Variants in ADGRL3 observed in about 807,000 individuals in gnomAD.
ADGRL3 encodes the protein calcium-independent alpha-latrotoxin receptor 3.
Under a neutral mutation model 153.5 loss-of-function variants are expected in ADGRL3, and 62 were observed. The ratio of observed to expected loss-of-function variants is 0.40; its 90% CI spans 0.33 to 0.50. ADGRL3 has a LOEUF of 0.50. ADGRL3 is among the 20% of genes least tolerant of loss of function. ADGRL3 has a pLI of 0.47. For synonymous variants in ADGRL3, 710 were observed against 672.5 expected, an observed-to-expected ratio of 1.06 and a Z score of -0.86; for missense variants, 1,641 against 1,859.4, an observed-to-expected ratio of 0.88 and a Z score of 2.16.
At chr4:61,880,983 C>T (rs975913252) in intron 9 of ADGRL3, among the ~76,000 whole-genome samples, 2 of 152,004 alleles carry the variant, frequency 1.3e-5, no homozygotes, top group African/African-American at 4.8e-5. Flanking sequence ...AGGAAAGGGG[C>T]CTTGTTTTAC....
chr4:61,798,999 G>GTATATATATATA lies in ADGRL3; in HGVS notation c.1400-14781_1400-14770dup, dbSNP rs34782885. ...CATTATTATATATTATATATAAACAGTATATATATATATATATATATATAT... is the reference window on the plus strand; with the variant it reads ...CATTATTATATATTATATATAAACAGTATATATATATATATATATATATATATATATATATAT... On this transcript the variant is annotated intron_variant, in intron 8 of 26. Coordinates refer to ENST00000683033, the MANE Select transcript of ADGRL3 (RefSeq NM_001387552.1). Among the ~76,000 whole-genome samples the GTATATATATATA allele has an allele frequency of 3.7e-4, 30 of 80,752 alleles. 1 individual carries two copies. Among genetic ancestry groups the GTATATATATATA allele is most frequent in the South Asian group, 9.3e-4 (2 of 2,144 alleles). 53.0% of individuals were successfully genotyped at this position (80,752 alleles called of 152,430 possible).
chr4:62,070,207 C>T lies in ADGRL3; in HGVS notation c.3931C>T (p.Leu1311=), dbSNP rs748142705. 2 of 1,613,820 alleles carry T rather than the reference C, an allele frequency of 1.2e-6. No individual in the cohort carries two copies. The highest frequency in any genetic ancestry group is 1.3e-5 in the African/African-American group (1 of 74,874). The change falls in exon 27 of 27, where the codon CTG becomes TTG. Residue 1311 remains leucine, a synonymous_variant. Coordinates refer to ENST00000683033, the MANE Select transcript of ADGRL3 (RefSeq NM_001387552.1). The part of the protein sequence containing the change: ...NSYSIASGEY[L]SNCVQIIDRG... ...TTACAGCATTGCCAGCGGCGAATAC[C>T]TGAGCAACTGTGTGCAAATCATAGA...
At chr4:61,635,929 T>G (rs2093403888) in intron 5 of ADGRL3, among the ~76,000 whole-genome samples, 1 of 152,134 alleles carries the variant, frequency 6.6e-6, no homozygotes, top group South Asian at 2.1e-4. Flanking sequence ...TGTGTATCAC[T>G]GCTGCACTAT....
intron 6 of ADGRL3, among the ~76,000 whole-genome samples, chr4:61,711,260 T>G (rs113820790): frequency 6.6e-5 from 10 of 151,942 alleles, no homozygotes; most frequent in African/African-American, 2.2e-4. Context: ...ATTTGCCTAT[T>G]ACTATTTTCA....
intron 1 of ADGRL3, among the ~76,000 whole-genome samples, chr4:61,213,203 G>A (rs1288663344): frequency 1.3e-5 from 2 of 152,156 alleles, no homozygotes; most frequent in East Asian, 1.9e-4. Context: ...CAGTCTGTAT[G>A]AGGGACTCAT....
intron 21 of ADGRL3, among the ~76,000 whole-genome samples, chr4:62,011,562 G>A (rs1006690000): frequency 1.3e-5 from 2 of 152,092 alleles, no homozygotes; most frequent in African/African-American, 4.8e-5. Context: ...CTATTTCAGA[G>A]GAGAAGGGTG....
At chr4:61,657,707 A>C (rs1312028568) in intron 5 of ADGRL3, among the ~76,000 whole-genome samples, 2 of 152,192 alleles carry the variant, frequency 1.3e-5, no homozygotes, top group African/African-American at 4.8e-5. Flanking sequence ...CTTTGGAGAA[A>C]AAAGCAAACA....
intron 5 of ADGRL3, among the ~76,000 whole-genome samples, chr4:61,667,799 A>G (rs2094851294): frequency 6.6e-6 from 1 of 152,234 alleles, no homozygotes; most frequent in African/African-American, 2.4e-5. Context: ...ATTTATTTGT[A>G]CTAGAGGATA....
At chr4:61,251,540 T>G (rs1415844314) in intron 1 of ADGRL3, among the ~76,000 whole-genome samples, 1 of 152,204 alleles carries the variant, frequency 6.6e-6, no homozygotes, top group Non-Finnish European at 1.5e-5. Flanking sequence ...CGTTTAAGTC[T>G]TCTTGGTACA....
intron 22 of ADGRL3, among the ~76,000 whole-genome samples, chr4:62,030,000 A>C (rs1721092376): frequency 6.6e-6 from 1 of 151,634 alleles, no homozygotes; most frequent in Non-Finnish European, 1.5e-5. Flanking sequence ...GCAAACATGT[A>C]ATATGTAATA....
At chr4:61,316,188 G>A (rs1432188196) in intron 1 of ADGRL3, among the ~76,000 whole-genome samples, 3 of 152,148 alleles carry the variant, frequency 2.0e-5, no homozygotes, top group Non-Finnish European at 4.4e-5. Flanking sequence ...AATTAGATTT[G>A]GAATAAGGCC....
intron 5 of ADGRL3, among the ~76,000 whole-genome samples, chr4:61,628,843 A>C (rs1258534308): frequency 6.6e-6 from 1 of 152,234 alleles, no homozygotes; most frequent in Non-Finnish European, 1.5e-5. Context: ...GCATTAAAGA[A>C]AATAAAATTG....
intron 21 of ADGRL3, among the ~76,000 whole-genome samples, chr4:62,027,064 A>G (rs1022379610): frequency 6.6e-6 from 1 of 152,070 alleles, no homozygotes. Flanking sequence ...AGGTAGAATT[A>G]TTCGAATCGT....
chr4:61,577,510 TG>T (rs1371305917), intron 4 of ADGRL3, among the ~76,000 whole-genome samples: 2 of 152,016 alleles, frequency 1.3e-5, no homozygotes, highest in African/African-American at 4.8e-5. Context: ...GTTTATATAC[TG>T]CTATGAAAGT....
At chr4:61,223,884 A>G (rs1183181270) in intron 1 of ADGRL3, among the ~76,000 whole-genome samples, 3 of 152,190 alleles carry the variant, frequency 2.0e-5, no homozygotes, top group African/African-American at 7.2e-5. Context: ...ACTCTGAATT[A>G]TGAGTTTATA....
At chr4:61,463,680 T>C (rs960609383) in intron 2 of ADGRL3, among the ~76,000 whole-genome samples, 3 of 152,124 alleles carry the variant, frequency 2.0e-5, no homozygotes, top group African/African-American at 7.2e-5. Flanking sequence ...CAGTGATACA[T>C]TGAAAAGAAA....
At chr4:61,468,593 T>A (rs970239064) in intron 2 of ADGRL3, among the ~76,000 whole-genome samples, 4 of 152,166 alleles carry the variant, frequency 2.6e-5, no homozygotes, top group Non-Finnish European at 5.9e-5. Flanking sequence ...AATAGCATCT[T>A]ATGAATGTGT....
chr4:61,621,618 A>C (rs1387689539), intron 5 of ADGRL3, among the ~76,000 whole-genome samples: 1 of 152,224 alleles, frequency 6.6e-6, no homozygotes, highest in Non-Finnish European at 1.5e-5. Context: ...ATATTAGTGA[A>C]AATCTTTGTA....
intron 5 of ADGRL3, among the ~76,000 whole-genome samples, chr4:61,660,752 G>A (rs182059601): frequency 2.6e-5 from 4 of 152,188 alleles, no homozygotes; most frequent in Middle Eastern, 3.4e-3. Flanking sequence ...GCTAAGAGGT[G>A]TCTTTCTTCT....
Sources: allele counts gnomAD v4.1 joint callset (sites outside exome capture counted in the v4.1 genomes callset), GRCh38; gene constraint gnomAD v4.1.1; transcripts MANE v1.5; gene names NCBI Gene and HGNC (gene_info 2026-07-23, HGNC 2026-07-21).